The following GPM6A variants were observed in gnomAD, a reference collection of about 807,000 sequenced individuals.
The protein encoded by GPM6A is neuronal membrane glycoprotein M6-a.
A neutral mutation model predicts 32.1 loss-of-function variants in GPM6A; 7 were observed. The ratio of observed to expected loss-of-function variants is 0.22; its 90% confidence interval spans 0.12 to 0.41. The LOEUF is 0.41. Among genes scored for constraint, GPM6A ranks in the 10% least tolerant of loss-of-function variants. The pLI, the probability that GPM6A is intolerant of heterozygous loss-of-function variation, is 1.00. For missense variants in GPM6A, 235 were observed against 347.2 expected (o/e 0.68, Z 2.57); for synonymous variants, 130 against 123.4 (o/e 1.05, Z -0.35).
upstream of GPM6A, among the ~76,000 whole-genome samples, chr4:175,814,688 CA>C (rs1465012684): frequency 6.6e-6 from 1 of 152,026 alleles, no homozygotes; most frequent in Non-Finnish European, 1.5e-5. Context: ...TTAAAATATA[CA>C]AAAAAGTCCT....
intron 1 of GPM6A, among the ~76,000 whole-genome samples, chr4:175,944,504 T>C (rs1739524795): frequency 1.3e-5 from 2 of 151,618 alleles, no homozygotes; most frequent in Non-Finnish European, 2.9e-5. Flanking sequence ...TTCATTTACA[T>C]AGATTAAAAT....
chr4:175,888,259 C>T (rs573939322), intron 1 of GPM6A, among the ~76,000 whole-genome samples: 36 of 151,954 alleles, frequency 2.4e-4, no homozygotes, highest in South Asian at 1.0e-3. Flanking sequence ...AAATTCAGTA[C>T]GCTTTTATGA....
intron 2 of GPM6A, among the ~76,000 whole-genome samples, chr4:175,677,866 C>G (rs1194215739): frequency 1.3e-5 from 2 of 152,098 alleles, no homozygotes; most frequent in Non-Finnish European, 2.9e-5. Context: ...AAAACGTGGT[C>G]ACAGATTGCT....
intron 1 of GPM6A, among the ~76,000 whole-genome samples, chr4:175,728,415 G>A (rs1411704708): frequency 2.0e-5 from 3 of 152,202 alleles, no homozygotes; most frequent in South Asian, 2.1e-4. Flanking sequence ...TTCTGAAGCC[G>A]GAGTACATGA....
intron 1 of GPM6A, among the ~76,000 whole-genome samples, chr4:175,748,354 AAAT>A (rs1157015960): frequency 6.6e-6 from 1 of 152,208 alleles, no homozygotes; most frequent in African/African-American, 2.4e-5. Flanking sequence ...TGTATTTCTT[AAAT>A]AATAAGGTTT....
chr4:175,753,018 T>C (rs941673208), intron 1 of GPM6A, among the ~76,000 whole-genome samples: 5 of 152,196 alleles, frequency 3.3e-5, no homozygotes, highest in Admixed American at 6.5e-5. Flanking sequence ...CGCTGAAACA[T>C]AGTGTCTACA....
At chr4:175,654,825 G>A (rs1741993079) in intron 3 of GPM6A, among the ~76,000 whole-genome samples, 1 of 152,030 alleles carries the variant, frequency 6.6e-6, no homozygotes, top group Non-Finnish European at 1.5e-5. Flanking sequence ...ACATGATATG[G>A]CAGCCTGAAG....
At chr4:175,945,827 C>T (rs1228869042) in intron 1 of GPM6A, among the ~76,000 whole-genome samples, 1 of 150,034 alleles carries the variant, frequency 6.7e-6, no homozygotes, top group African/African-American at 2.5e-5. Flanking sequence ...AATACGGGTG[C>T]ATATTACGTA....
chr4:175,807,150 T>C (rs1734727322), intron 1 of GPM6A, among the ~76,000 whole-genome samples: 1 of 152,230 alleles, frequency 6.6e-6, no homozygotes, highest in South Asian at 2.1e-4. Flanking sequence ...TTTAATTTCT[T>C]TGCAATAGTT....
intron 1 of GPM6A, among the ~76,000 whole-genome samples, chr4:175,746,743 G>T (rs1332587892): frequency 6.6e-6 from 1 of 151,990 alleles, no homozygotes; most frequent in Non-Finnish European, 1.5e-5. Flanking sequence ...AGATGATAAG[G>T]CTATCTTCTG....
chr4:175,918,311 T>G (rs1468708417), intron 1 of GPM6A, among the ~76,000 whole-genome samples: 3 of 152,156 alleles, frequency 2.0e-5, no homozygotes, highest in Admixed American at 1.3e-4. Context: ...AAGTTTTGCT[T>G]AGGTAATGGA....
intron 1 of GPM6A, among the ~76,000 whole-genome samples, chr4:175,756,968 G>A (rs1396318418): frequency 6.6e-6 from 1 of 152,064 alleles, no homozygotes; most frequent in Non-Finnish European, 1.5e-5. Context: ...GGCAATGGGT[G>A]GGTTTAAGAA....
intron 1 of GPM6A, among the ~76,000 whole-genome samples, chr4:175,974,996 A>G (rs1740617495): frequency 6.6e-6 from 1 of 152,084 alleles, no homozygotes; most frequent in Non-Finnish European, 1.5e-5. Context: ...TACATCAGCC[A>G]ATCTGAACTA....
At position 175,636,273 on chromosome 4, in the gene GPM6A, T is replaced by TATATATATATATATAC. The variant is rs1354153130; in HGVS notation, c.685-1217_685-1216insGTATATATATATATAT. ...AGCATAATCACTGTATATATATATA[T>TATATATATATATATAC]ATATATATATATATATATATATATA... is the stretch of plus-strand genomic sequence containing the variant. On this transcript the variant is annotated intron_variant, in intron 6 of 6. Transcript: ENST00000393658. Among the ~76,000 whole-genome samples the TATATATATATATATAC allele has an allele frequency of 4.2e-5, 4 of 94,650 alleles. No individual in the cohort carries two copies. In the South Asian group the frequency reaches 9.0e-4, roughly 21 times the overall value. 62.1% of individuals were successfully genotyped at this position (94,650 alleles called of 152,430 possible).
intron 1 of GPM6A, among the ~76,000 whole-genome samples, chr4:175,870,095 C>T (rs1736859394): frequency 6.6e-6 from 1 of 152,114 alleles, no homozygotes; most frequent in Non-Finnish European, 1.5e-5. Context: ...ACTGAATTGC[C>T]ATAGTAGTAT....
chr4:175,681,930 T>C (rs914644010), intron 2 of GPM6A, among the ~76,000 whole-genome samples: 1 of 152,078 alleles, frequency 6.6e-6, no homozygotes, highest in African/African-American at 2.4e-5. Context: ...AAAGCAGGTT[T>C]GGATTGGGTA....
In GPM6A at chr4:175,715,348, G is replaced by T. The variant is rs142340525; in HGVS notation, c.38-13581C>A. 3.5e-3 allele frequency among the ~76,000 whole-genome samples: 533 copies of T among 152,226 alleles called. 2 individuals carry two copies. Among genetic ancestry groups the T allele is most frequent in the African/African-American group, 0.012 (480 of 41,516 alleles). On this transcript the variant is annotated intron_variant, in intron 1 of 6. Coordinates refer to ENST00000393658, the MANE Select transcript of GPM6A (RefSeq NM_201591.3). ...GTCTCAGCTGGGCAGCTTTCACTCG[G>T]GATTGTTCACGCAGATGCAGCCAGA...
intron 6 of GPM6A, among the ~76,000 whole-genome samples, chr4:175,637,989 T>C (rs371891314): frequency 1.4e-5 from 2 of 145,212 alleles, no homozygotes; most frequent in East Asian, 4.0e-4. Flanking sequence ...GCATTTCCTC[T>C]GGCCTTAAGG....
At chr4:175,876,537 G>A (rs1026413058) in intron 1 of GPM6A, among the ~76,000 whole-genome samples, 2 of 152,140 alleles carry the variant, frequency 1.3e-5, no homozygotes, top group African/African-American at 4.8e-5. Context: ...TCTGGAAGCT[G>A]TCTTTTGAGT....
Sources: gnomAD v4.1 joint callset for allele counts (sites outside exome capture counted in the v4.1 genomes callset) on GRCh38, gnomAD v4.1.1 for gene constraint, MANE v1.5 for transcripts, NCBI Gene and HGNC (gene_info 2026-07-23, HGNC 2026-07-21) for gene names.